Variants in COL13A1 observed in about 807,000 individuals in gnomAD.
COL13A1 encodes collagen alpha-1(XIII) chain.
In COL13A1, 89 loss-of-function variants were observed where a neutral mutation model predicts 130.9. The ratio of observed to expected loss-of-function variants is 0.68; its 90% CI spans 0.57 to 0.81. The LOEUF (loss-of-function observed/expected upper bound fraction) is 0.81. Among genes scored for constraint, COL13A1 ranks in the 30% least tolerant of loss-of-function variants. COL13A1 has a pLI of 0.00. For synonymous variants in COL13A1, 402 were observed against 341.6 expected, an observed-to-expected ratio of 1.18 and a Z score of -1.95; for missense variants, 879 against 934.6, an observed-to-expected ratio of 0.94 and a Z score of 0.78.
chr10:69,937,665 G>C lies in COL13A1; in HGVS notation c.1828G>C (p.Glu610Gln). The change falls in exon 34 of 41, where the codon GAG becomes CAG. Residue 610 changes from glutamate (E) to glutamine (Q), a missense_variant. Glu to Gln is a conservative substitution (Grantham distance 29). Coordinates refer to ENST00000645393, the MANE Select transcript of COL13A1 (RefSeq NM_001368882.1). ...GEAGLDGAKG[E>Q]KGFQGEKGDR... ...AGCAGGACTAGATGGAGCAAAAGGA[G>C]AGAAAGGCTTCCAGGGAGAAAAAGG... 1.3e-6 allele frequency: 2 copies of C among 1,586,556 alleles called. No individual in the cohort carries two copies. Among genetic ancestry groups the C allele is most frequent in the Non-Finnish European group, 1.7e-6 (2 of 1,154,896 alleles).
chr10:69,874,126 CA>C (rs1564912206), intron 4 of COL13A1, among the ~76,000 whole-genome samples: 1 of 152,230 alleles, frequency 6.6e-6, no homozygotes, highest in Non-Finnish European at 1.5e-5. Flanking sequence ...TACTCAAAGC[CA>C]CCGTTGGTCT....
At chr10:69,861,958 C>T (rs983935172) in intron 2 of COL13A1, among the ~76,000 whole-genome samples, 8 of 152,088 alleles carry the variant, frequency 5.3e-5, no homozygotes, top group African/African-American at 9.7e-5. Context: ...TGCTGGCAAA[C>T]GCTTAAGAAG....
intron 35 of COL13A1, among the ~76,000 whole-genome samples, chr10:69,943,089 C>A (rs1005752294): frequency 5.3e-5 from 8 of 152,210 alleles, no homozygotes; most frequent in African/African-American, 1.9e-4. Flanking sequence ...CTCAGGTGAT[C>A]CACCCGCCTC....
chr10:69,939,309 C>A (rs1387944806), intron 34 of COL13A1, among the ~76,000 whole-genome samples: 1 of 152,168 alleles, frequency 6.6e-6, no homozygotes, highest in Non-Finnish European at 1.5e-5. Flanking sequence ...CTGGATCTTC[C>A]TATTTTTCAA....
chr10:69,932,629 G>T, intron 31 of COL13A1, 25 bp downstream of exon 31: 2 of 1,527,972 alleles, frequency 1.3e-6, no homozygotes, highest in South Asian at 2.3e-5. Context: ...ATTTGACAGA[G>T]ACTCATCAAG....
intron 31 of COL13A1, among the ~76,000 whole-genome samples, chr10:69,934,812 A>T (rs987155867): frequency 6.6e-6 from 1 of 152,238 alleles, no homozygotes; most frequent in Non-Finnish European, 1.5e-5. Flanking sequence ...AGCAATCTCC[A>T]GGAACAGCTC....
intron 2 of COL13A1, among the ~76,000 whole-genome samples, chr10:69,865,493 C>G (rs2058434836): frequency 6.6e-6 from 1 of 152,300 alleles, no homozygotes; most frequent in Middle Eastern, 3.4e-3. Flanking sequence ...GAAGATTTTC[C>G]AGTGGGTCTC....
At chr10:69,866,852 G>T (rs1164867683) in intron 2 of COL13A1, among the ~76,000 whole-genome samples, 1 of 152,072 alleles carries the variant, frequency 6.6e-6, no homozygotes, top group Non-Finnish European at 1.5e-5. Flanking sequence ...TTTATTGGCC[G>T]AGCATAAAAG....
At chr10:69,922,118 C>A (rs1173166820) in intron 22 of COL13A1, among the ~76,000 whole-genome samples, 183 bp downstream of exon 22, 2 of 151,964 alleles carry the variant, frequency 1.3e-5, no homozygotes, top group South Asian at 4.2e-4. Flanking sequence ...CCCTGATTGG[C>A]AAAAATAAAA....
chr10:69,835,165 C>A (rs138391896), intron 2 of COL13A1, among the ~76,000 whole-genome samples: 371 of 152,300 alleles, frequency 2.4e-3, no homozygotes, highest in African/African-American at 8.2e-3. Context: ...GGCAGATGAG[C>A]TCCCTGCCCT....
At position 69,943,459 on chromosome 10, in the gene COL13A1, G is replaced by A. The variant is rs555312356; in HGVS notation, c.1915-666G>A. ...AGCCCTGATGCTCCATGTCTAAGCC[G>A]TGAGCTCCAATGGCTCCAGCGCCCC... On this transcript the variant is annotated intron_variant, in intron 35 of 40. Transcript: ENST00000645393. Among the ~76,000 whole-genome samples, 53 of 152,336 alleles carry A rather than the reference G, an allele frequency of 3.5e-4. No individual in the cohort carries two copies. In the South Asian group the frequency reaches 4.8e-3, roughly 14 times the overall value.
At chr10:69,881,964 A>G (rs1240477071) in intron 7 of COL13A1, among the ~76,000 whole-genome samples, 1 of 152,216 alleles carries the variant, frequency 6.6e-6, no homozygotes, top group Non-Finnish European at 1.5e-5. Context: ...TTCCTGCTGC[A>G]GTCATAGACG....
intron 2 of COL13A1, among the ~76,000 whole-genome samples, chr10:69,832,037 G>A (rs1848941682): frequency 6.6e-6 from 1 of 152,196 alleles, no homozygotes; most frequent in African/African-American, 2.4e-5. Flanking sequence ...GTGACATGGG[G>A]CTGTGAGGAG....
At chr10:69,919,167 G>C in intron 20 of COL13A1, 79 bp downstream of exon 20, 2 of 1,588,976 alleles carry the variant, frequency 1.3e-6, no homozygotes, top group Non-Finnish European at 1.7e-6. Flanking sequence ...CTGCTGTTTT[G>C]CTCTTGGTCC....
chr10:69,889,705 G>C (rs2060974274), intron 10 of COL13A1, among the ~76,000 whole-genome samples: 1 of 149,306 alleles, frequency 6.7e-6, no homozygotes, highest in African/African-American at 2.4e-5. Context: ...ACAGAGGTCG[G>C]TGTCCAGCTT....
intron 2 of COL13A1, among the ~76,000 whole-genome samples, chr10:69,853,861 G>A (rs1378640057): frequency 6.6e-6 from 1 of 152,184 alleles, no homozygotes; most frequent in Non-Finnish European, 1.5e-5. Flanking sequence ...GTGTGGACGA[G>A]GATCAGAGAG....
chr10:69,869,454 G>C (rs2894302), intron 3 of COL13A1, among the ~76,000 whole-genome samples: 23,013 of 152,218 alleles, frequency 0.15, 1,919 homozygotes, highest in Middle Eastern at 0.21. Flanking sequence ...GGTGGCCAGA[G>C]AGAGGGGCTC....
intron 2 of COL13A1, among the ~76,000 whole-genome samples, chr10:69,833,302 T>G (rs1231054136): frequency 6.6e-6 from 1 of 152,168 alleles, no homozygotes; most frequent in Non-Finnish European, 1.5e-5. Flanking sequence ...GAAGTTACAG[T>G]AACTAGATTG....
intron 35 of COL13A1, among the ~76,000 whole-genome samples, chr10:69,941,807 C>T (rs948918110): frequency 6.6e-6 from 1 of 152,214 alleles, no homozygotes; most frequent in Non-Finnish European, 1.5e-5. Flanking sequence ...CGGTCCCTCC[C>T]GTGAGCGCCC....
Sources: gnomAD v4.1 joint callset for allele counts (sites outside exome capture counted in the v4.1 genomes callset) on GRCh38, gnomAD v4.1.1 for gene constraint, MANE v1.5 for transcripts, NCBI Gene and HGNC (gene_info 2026-07-23, HGNC 2026-07-21) for gene names.